Variants in SHROOM3 observed in about 807,000 individuals in gnomAD.
SHROOM3 encodes the protein protein Shroom3.
In SHROOM3, 47 loss-of-function variants were observed where a neutral mutation model predicts 138.6. The ratio of observed to expected loss-of-function variants is 0.34; its 90% CI spans 0.27 to 0.43. The LOEUF is 0.43. SHROOM3 is among the 20% of genes least tolerant of loss of function. SHROOM3 has a pLI of 1.00. For missense variants in SHROOM3, 2,491 were observed against 2,596.5 expected (o/e 0.96, Z 0.88); for synonymous variants, 1,062 against 1,063.3 (o/e 1.00, Z 0.02).
intron 2 of SHROOM3, chr4:76,575,525 A>T (rs1238381446): frequency 6.6e-6 from 1 of 152,266 alleles, no homozygotes; most frequent in East Asian, 1.9e-4. Context: ...CAAAATCAAC[A>T]TACCAAAATC....
At chr4:76,636,232 A>G (rs1232479308) in intron 2 of SHROOM3, among the ~76,000 whole-genome samples, 1 of 152,218 alleles carries the variant, frequency 6.6e-6, no homozygotes, top group Non-Finnish European at 1.5e-5. Context: ...TTTAATTGCC[A>G]TGTGACAAAT....
intron 1 of SHROOM3, among the ~76,000 whole-genome samples, chr4:76,515,654 T>G (rs1732429519): frequency 6.6e-6 from 1 of 152,230 alleles, no homozygotes; most frequent in Admixed American, 6.5e-5. Flanking sequence ...ATGAAATATT[T>G]CTTGGTTAAT....
At chr4:76,508,376 T>G (rs919314939) in intron 1 of SHROOM3, among the ~76,000 whole-genome samples, 41 of 152,164 alleles carry the variant, frequency 2.7e-4, no homozygotes, top group African/African-American at 9.9e-4. Context: ...AGTATGAGGG[T>G]TTATTTCTGA....
At chr4:76,755,283 C>T in intron 7 of SHROOM3, 91 bp downstream of exon 7, 1 of 1,442,868 alleles carries the variant, frequency 6.9e-7, no homozygotes. Flanking sequence ...ACAGAAGAAC[C>T]CTGGCATGGA....
chr4:76,501,539 A>AT (rs1732096527), intron 1 of SHROOM3, among the ~76,000 whole-genome samples: 1 of 152,128 alleles, frequency 6.6e-6, no homozygotes, highest in Admixed American at 6.5e-5. Context: ...CAGGAGCATC[A>AT]TTTAATAAGG....
chr4:76,715,067 G>A (rs1210640397), intron 3 of SHROOM3, among the ~76,000 whole-genome samples: 1 of 152,168 alleles, frequency 6.6e-6, no homozygotes, highest in Non-Finnish European at 1.5e-5. Flanking sequence ...GTGGGAGGTT[G>A]ATGGTGGGTA....
chr4:76,741,404 G>A lies in SHROOM3; in HGVS notation c.3231G>A (p.Glu1077=). ...ACSTLSLSGP[E]LKQFQQSALA... The stretch of plus-strand genomic sequence containing the variant: ...CCACGCTCAGCCTGTCGGGGCCCGA[G>A]CTGAAGCAGTTCCAGCAGAGCGCCC... The change falls in exon 5 of 11, where the codon GAG becomes GAA. Residue 1077 remains glutamate (E), a synonymous_variant. Transcript: ENST00000296043. This position sits in a 1 kb window ranked among gnomAD's most constrained non-coding sequence, Gnocchi z 6.2. 6.2e-7 allele frequency: 1 copy of A among 1,600,652 alleles called. No homozygotes were observed. Among genetic ancestry groups the A allele is most frequent in the Non-Finnish European group, 8.5e-7 (1 of 1,174,612 alleles).
intron 2 of SHROOM3, among the ~76,000 whole-genome samples, chr4:76,652,994 T>A (rs1420473170): frequency 1.3e-5 from 2 of 152,042 alleles, no homozygotes; most frequent in Non-Finnish European, 2.9e-5. Context: ...GGGCCATGCA[T>A]CATATTCCAT....
At chr4:76,521,009 C>T (rs1732553283) in intron 1 of SHROOM3, among the ~76,000 whole-genome samples, 1 of 152,184 alleles carries the variant, frequency 6.6e-6, no homozygotes, top group Admixed American at 6.5e-5. Context: ...CTATTTCCAT[C>T]TTTGGCTGTG....
intron 10 of SHROOM3, among the ~76,000 whole-genome samples, chr4:76,774,487 AT>A (rs1313884196): frequency 1.3e-5 from 2 of 152,034 alleles, no homozygotes; most frequent in Non-Finnish European, 2.9e-5. Context: ...TCTAAAAAAA[AT>A]TTTTTTAATC....
intron 3 of SHROOM3, among the ~76,000 whole-genome samples, chr4:76,714,787 T>C (rs977185804): frequency 6.6e-6 from 1 of 152,228 alleles, no homozygotes; most frequent in Non-Finnish European, 1.5e-5. Flanking sequence ...CCTATTTCTC[T>C]CCTCTACTTA....
intron 1 of SHROOM3, among the ~76,000 whole-genome samples, chr4:76,451,277 A>G (rs190888979): frequency 6.6e-6 from 1 of 152,290 alleles, no homozygotes; most frequent in African/African-American, 2.4e-5. Context: ...CTGAAATTTA[A>G]TATAGTAGAG....
At chr4:76,602,139 A>C (rs1271601029) in intron 2 of SHROOM3, among the ~76,000 whole-genome samples, 1 of 152,222 alleles carries the variant, frequency 6.6e-6, no homozygotes, top group Non-Finnish European at 1.5e-5. Flanking sequence ...GAGCAATTAC[A>C]GAACGTTCCT....
At chr4:76,679,873 C>G (rs1380821220) in intron 2 of SHROOM3, among the ~76,000 whole-genome samples, 2 of 152,148 alleles carry the variant, frequency 1.3e-5, no homozygotes, top group East Asian at 1.9e-4. Flanking sequence ...TGGAGTTTTA[C>G]CTTTCAGGAT....
intron 2 of SHROOM3, among the ~76,000 whole-genome samples, chr4:76,651,349 T>C (rs997639702): frequency 3.4e-5 from 5 of 146,512 alleles, no homozygotes; most frequent in African/African-American, 1.0e-4. Flanking sequence ...TTCTCCATGA[T>C]GTAGTTATTT....
Position 76,781,374 on chromosome 4 carries a change from C to G in SHROOM3, c.*2197C>G, listed in dbSNP as rs1233901075. The G allele has an allele frequency of 6.6e-6, 1 of 152,212 alleles. No homozygotes were observed. The highest frequency in any genetic ancestry group is 2.4e-5 in the African/African-American group (1 of 41,436). The allele number at this position is 152,212 out of a possible 1,614,324, so 9.4% of individuals were successfully genotyped here. ...AAACTCCTGGGCTCAAGGGATCCTT[C>G]CGCTTTGGTCCCAGAAGTGCTGGGA... On this transcript the variant is annotated 3_prime_UTR_variant, in exon 11 of 11. Transcript: ENST00000296043.
At chr4:76,689,483 G>A in intron 2 of SHROOM3, 1 of 971,670 alleles carries the variant, frequency 1.0e-6, no homozygotes, top group Non-Finnish European at 1.2e-6. Context: ...CGCGGGATCA[G>A]CGTCCTCCAG....
At chr4:76,625,030 C>T (rs1293164036) in intron 2 of SHROOM3, among the ~76,000 whole-genome samples, 2 of 152,088 alleles carry the variant, frequency 1.3e-5, no homozygotes, top group African/African-American at 4.8e-5. Flanking sequence ...TTCAAGTACC[C>T]TTGAATTGTA....
intron 1 of SHROOM3, among the ~76,000 whole-genome samples, chr4:76,440,317 C>A (rs770214062): frequency 6.6e-6 from 1 of 152,178 alleles, no homozygotes; most frequent in Non-Finnish European, 1.5e-5. Context: ...CTCATAGCTA[C>A]TAAGTGATGC....
Sources: gnomAD v4.1 joint callset for allele counts (sites outside exome capture counted in the v4.1 genomes callset) on GRCh38, gnomAD v4.1.1 for gene constraint, Gnocchi (gnomAD v3.1) non-coding constraint, MANE v1.5 for transcripts, NCBI Gene and HGNC (gene_info 2026-07-23, HGNC 2026-07-21) for gene names.